The following PDE10A variants were observed in gnomAD, a reference collection of about 807,000 sequenced individuals.
PDE10A encodes the protein cAMP and cAMP-inhibited cGMP 3',5'-cyclic phosphodiesterase 10A.
A neutral mutation model predicts 97.7 loss-of-function variants in PDE10A; 39 were observed. That is an observed-to-expected ratio of 0.40 (90% CI 0.31 to 0.52). PDE10A has a LOEUF of 0.52. Among genes scored for constraint, PDE10A ranks in the 20% least tolerant of loss-of-function variants. The pLI, the probability that PDE10A is intolerant of heterozygous loss-of-function variation, is 0.56. For missense variants in PDE10A, 731 were observed against 1,047.8 expected, an observed-to-expected ratio of 0.70 and a Z score of 4.17; for synonymous variants, 371 against 376.8, an observed-to-expected ratio of 0.98 and a Z score of 0.18.
intron 1 of PDE10A, among the ~76,000 whole-genome samples, chr6:165,890,644 G>A (rs1781767228): frequency 6.6e-6 from 1 of 152,134 alleles, no homozygotes; most frequent in African/African-American, 2.4e-5. Flanking sequence ...TCAAGTAGGC[G>A]CAAAGACGTT....
intron 1 of PDE10A, among the ~76,000 whole-genome samples, chr6:165,729,373 A>G (rs1792371366): frequency 6.6e-6 from 1 of 152,200 alleles, no homozygotes. Context: ...GAATAAAAAT[A>G]TTTGGATAAA....
intron 2 of PDE10A, among the ~76,000 whole-genome samples, chr6:165,542,670 G>A (rs1278409520): frequency 1.5e-5 from 2 of 136,532 alleles, no homozygotes; most frequent in Non-Finnish European, 3.1e-5. Flanking sequence ...CCAGGCTGGA[G>A]TGCAGTGGCG....
chr6:165,340,382 C>CA (rs1268590235), intron 19 of PDE10A, among the ~76,000 whole-genome samples: 1 of 152,142 alleles, frequency 6.6e-6, no homozygotes, highest in Non-Finnish European at 1.5e-5. Flanking sequence ...GGTCTACAAA[C>CA]AAACTACTAT....
At chr6:165,690,533 A>G (rs1389143877) in intron 1 of PDE10A, among the ~76,000 whole-genome samples, 1 of 152,148 alleles carries the variant, frequency 6.6e-6, no homozygotes, top group Non-Finnish European at 1.5e-5. Context: ...CCCTTGCTCA[A>G]AACCCTGCAA....
In PDE10A at chr6:165,438,287, C is replaced by A. The variant is rs1037351533; in HGVS notation, c.1195-2910G>T. Among the ~76,000 whole-genome samples the A allele has an allele frequency of 7.2e-5, 11 of 152,188 alleles. 1 individual carries two copies. The highest frequency in any genetic ancestry group is 1.6e-4 in the Non-Finnish European group (11 of 68,038). ...CACTGCAACCTCCGCCTCCCAGGTT[C>A]AAGCGATTCTCCTGCCTCAGCCTCC... On this transcript the variant is annotated intron_variant, in intron 5 of 21. Coordinates refer to ENST00000539869, the MANE Select transcript of PDE10A (RefSeq NM_001385079.1).
At chr6:165,667,112 A>G (rs1010044805), upstream of PDE10A, among the ~76,000 whole-genome samples, 1 of 152,264 alleles carries the variant, frequency 6.6e-6, no homozygotes, top group Non-Finnish European at 1.5e-5. Context: ...TCAATACTTC[A>G]TAGGGGACAG....
intron 1 of PDE10A, among the ~76,000 whole-genome samples, chr6:165,584,811 T>A (rs919086574): frequency 6.6e-6 from 1 of 151,980 alleles, no homozygotes; most frequent in Non-Finnish European, 1.5e-5. Context: ...CCCTCAGGAA[T>A]GAGGGTCTGG....
At chr6:165,664,440 C>A (rs1300836112), upstream of PDE10A, among the ~76,000 whole-genome samples, 2 of 152,166 alleles carry the variant, frequency 1.3e-5, no homozygotes, top group African/African-American at 4.8e-5. Context: ...TCCCCTCCCC[C>A]AGTAAAGTCC....
intron 2 of PDE10A, among the ~76,000 whole-genome samples, chr6:165,540,006 T>C (rs767170651): frequency 1.1e-4 from 16 of 152,190 alleles, no homozygotes; most frequent in Admixed American, 2.6e-4. Context: ...AGCATAAAAA[T>C]AGCTCTGTGT....
intron 3 of PDE10A, among the ~76,000 whole-genome samples, chr6:165,466,165 T>A (rs1229160319): frequency 1.3e-5 from 2 of 152,198 alleles, no homozygotes; most frequent in African/African-American, 4.8e-5. Context: ...CAAAAGAACA[T>A]TATAATTTTC....
intron 16 of PDE10A, among the ~76,000 whole-genome samples, chr6:165,389,183 G>C (rs1785508087): frequency 6.6e-6 from 1 of 150,444 alleles, no homozygotes; most frequent in South Asian, 2.1e-4. Context: ...CATCATAAAA[G>C]GCTTATATTC....
At chr6:165,468,657 G>A (rs1293393666) in intron 3 of PDE10A, among the ~76,000 whole-genome samples, 1 of 152,148 alleles carries the variant, frequency 6.6e-6, no homozygotes, top group African/African-American at 2.4e-5. Context: ...TTCTCATGGA[G>A]TTTAAATCCT....
At chr6:165,812,650 A>G (rs973925226) in intron 1 of PDE10A, among the ~76,000 whole-genome samples, 8 of 152,234 alleles carry the variant, frequency 5.3e-5, no homozygotes, top group African/African-American at 1.4e-4. Context: ...GTGGTGAAAT[A>G]TAAGTTAGAC....
intron 1 of PDE10A, among the ~76,000 whole-genome samples, chr6:165,889,950 C>CA (rs2128482045): frequency 9.8e-6 from 1 of 101,564 alleles, no homozygotes; most frequent in Non-Finnish European, 2.1e-5. Context: ...CTCCCTCCCT[C>CA]CTCCCTCCCT....
intron 1 of PDE10A, among the ~76,000 whole-genome samples, chr6:165,837,476 G>A (rs1279087252): frequency 1.3e-5 from 2 of 151,766 alleles, no homozygotes; most frequent in Non-Finnish European, 2.9e-5. Context: ...CATAAACTAT[G>A]TTGGCTCTAT....
chr6:165,332,970 C>G lies in PDE10A; in HGVS notation c.*55G>C. On this transcript the variant is annotated 3_prime_UTR_variant, in exon 22 of 22. Coordinates refer to ENST00000539869, the MANE Select transcript of PDE10A (RefSeq NM_001385079.1). ...CCCCCCAAAAAAAGGAAAAGAATGT[C>G]AAAGAAGCAAGATGAGGATCTGTAG... 16 of 574,824 alleles carry G rather than the reference C, an allele frequency of 2.8e-5. No individual in the cohort carries two copies. Among genetic ancestry groups the G allele is most frequent in the Non-Finnish European group, 4.2e-5 (13 of 311,862 alleles). 35.6% of individuals were successfully genotyped at this position (574,824 alleles called of 1,614,324 possible). A position where few individuals can be genotyped will look rare whatever the true frequency, so the allele number is the denominator to read the frequency against.
At chr6:165,949,095 T>G (rs1292541713) in intron 1 of PDE10A, 3 of 152,236 alleles carry the variant, frequency 2.0e-5, no homozygotes, top group Non-Finnish European at 4.4e-5. Context: ...ATAGTTTCAG[T>G]CCAGAAAAGA....
At chr6:165,899,483 C>A (rs1414061045) in intron 1 of PDE10A, among the ~76,000 whole-genome samples, 1 of 152,224 alleles carries the variant, frequency 6.6e-6, no homozygotes, top group Non-Finnish European at 1.5e-5. Context: ...TGAATGGAGA[C>A]TGTCACTGCA....
chr6:165,929,739 A>C (rs1783063751), intron 1 of PDE10A, among the ~76,000 whole-genome samples: 1 of 152,198 alleles, frequency 6.6e-6, no homozygotes, highest in Non-Finnish European at 1.5e-5. Context: ...AGAAAATCTG[A>C]CCCAGCCTGT....
Sources: gnomAD v4.1 joint callset for allele counts (sites outside exome capture counted in the v4.1 genomes callset) on GRCh38, gnomAD v4.1.1 for gene constraint, MANE v1.5 for transcripts, NCBI Gene and HGNC (gene_info 2026-07-23, HGNC 2026-07-21) for gene names.